The following NHS variants were observed in gnomAD, a reference collection of about 807,000 sequenced individuals.
NHS encodes the protein actin remodeling regulator NHS.
A neutral mutation model predicts 72.5 loss-of-function variants in NHS; 5 were observed. That is an observed-to-expected ratio of 0.07 (90% CI 0.04 to 0.14). NHS has a LOEUF of 0.14. NHS is among the 10% of genes least tolerant of loss of function. NHS has a pLI of 1.00. For synonymous variants in NHS, 464 were observed against 547.7 expected (o/e 0.85, Z 2.13); for missense variants, 1,072 against 1,355.7 (o/e 0.79, Z 3.29).
intron 1 of NHS, among the ~76,000 whole-genome samples, chrX:17,481,356 A>G (rs2064945387): frequency 1.8e-5 from 2 of 111,276 alleles, no homozygotes; most frequent in Admixed American, 1.9e-4. Context: ...TCTCCTCTTG[A>G]CTCTGGTCTT....
chrX:17,625,494 A>G (rs909261765), intron 1 of NHS, among the ~76,000 whole-genome samples: 7 of 111,762 alleles, frequency 6.3e-5, no homozygotes, highest in African/African-American at 2.3e-4. Flanking sequence ...TAGCCCACAC[A>G]ATGGGGAGTT....
At chrX:17,500,524 T>C (rs1183864890) in intron 1 of NHS, among the ~76,000 whole-genome samples, 1 of 111,789 alleles carries the variant, frequency 8.9e-6, no homozygotes, top group African/African-American at 3.3e-5. Flanking sequence ...TGTTGCTGGT[T>C]GTAATGTCTG....
At chrX:17,388,396 A>T (rs1420037526) in intron 1 of NHS, among the ~76,000 whole-genome samples, 1 of 111,465 alleles carries the variant, frequency 9.0e-6, no homozygotes, top group Non-Finnish European at 1.9e-5. Flanking sequence ...ACTATTTTAA[A>T]TGGGGTGGTC....
chrX:17,726,152 C>T lies in NHS; in HGVS notation c.2046C>T (p.Phe682=), dbSNP rs1437778748. Residue 682 remains phenylalanine, a synonymous_variant, in exon 7 of 9, where the codon TTC becomes TTT. Transcript: ENST00000676302. Reference sequence around the variant, plus strand: ...ATGCCAATGAGGATGCCAGTGTTTTCGTGACAGAGCAATACAATGACCACT... The same window carrying T: ...ATGCCAATGAGGATGCCAGTGTTTTTGTGACAGAGCAATACAATGACCACT... ...APHANEDASV[F]VTEQYNDHLD... 4 of 1,210,351 alleles carry T rather than the reference C, an allele frequency of 3.3e-6. No individual in the cohort carries two copies. The highest frequency in any genetic ancestry group is 4.5e-6 in the Non-Finnish European group (4 of 895,309).
intron 3 of NHS, among the ~76,000 whole-genome samples, chrX:17,709,598 A>G (rs182809479): frequency 8.9e-6 from 1 of 112,230 alleles, no homozygotes; most frequent in East Asian, 2.8e-4. Flanking sequence ...GACAGGGCAA[A>G]TGGGAAACTG....
At chrX:17,568,646 A>ACTT (rs1569283931) in intron 1 of NHS, among the ~76,000 whole-genome samples, 1 of 47,243 alleles carries the variant, frequency 2.1e-5, no homozygotes, top group Non-Finnish European at 4.0e-5. Context: ...CAGGTTACTT[A>ACTT]GTTATTATTA....
intron 1 of NHS, among the ~76,000 whole-genome samples, chrX:17,614,780 T>C (rs1046413166): frequency 9.0e-6 from 1 of 111,262 alleles, no homozygotes; most frequent in African/African-American, 3.3e-5. Context: ...AACAGCCAAG[T>C]ACCACACTAG....
intron 1 of NHS, among the ~76,000 whole-genome samples, chrX:17,571,889 G>T (rs1016595482): frequency 1.8e-5 from 2 of 112,155 alleles, no homozygotes; most frequent in Admixed American, 9.4e-5. Context: ...TGGTTTCAAA[G>T]AACATCTTTA....
At chrX:17,500,173 T>G (rs1212816854) in intron 1 of NHS, among the ~76,000 whole-genome samples, 3 of 112,174 alleles carry the variant, frequency 2.7e-5, no homozygotes, top group African/African-American at 9.7e-5. Context: ...ATGTGTGAAC[T>G]GATAACCAGG....
chrX:17,703,054 A>G (rs945098160), intron 3 of NHS, among the ~76,000 whole-genome samples: 5 of 110,679 alleles, frequency 4.5e-5, no homozygotes, highest in African/African-American at 6.6e-5. Context: ...GGATCACTTG[A>G]GCTCAGGAGT....
intron 1 of NHS, among the ~76,000 whole-genome samples, chrX:17,465,632 A>T (rs1246531190): frequency 9.1e-6 from 1 of 110,280 alleles, no homozygotes; most frequent in South Asian, 3.9e-4. Flanking sequence ...AAAAAAAAAA[A>T]ATTACTCCTT....
At chrX:17,659,946 A>C (rs1459169364) in intron 1 of NHS, among the ~76,000 whole-genome samples, 1 of 112,165 alleles carries the variant, frequency 8.9e-6, no homozygotes, top group African/African-American at 3.2e-5. Context: ...CCAACCCTGG[A>C]CTATTTTACC....
intron 1 of NHS, among the ~76,000 whole-genome samples, chrX:17,430,111 C>CTTCCTTCCTTCCTTCCTTCCTTCCTTCA (rs1358028742): frequency 2.2e-4 from 23 of 103,035 alleles, no homozygotes; most frequent in African/African-American, 8.0e-4. Context: ...TCCTTCCTTC[C>CTTCCTTCCTTCCTTCCTTCCTTCCTTCA]TTCCTTTCCT....
intron 1 of NHS, among the ~76,000 whole-genome samples, chrX:17,404,849 T>A (rs2064521535): frequency 9.1e-6 from 1 of 110,058 alleles, no homozygotes; most frequent in Non-Finnish European, 1.9e-5. Context: ...ATTATCTCAC[T>A]CTATTGCAAT....
At chrX:17,419,747 A>G (rs1247866618) in intron 1 of NHS, among the ~76,000 whole-genome samples, 1 of 111,995 alleles carries the variant, frequency 8.9e-6, no homozygotes, top group East Asian at 2.8e-4. Context: ...ACTGTAAGGT[A>G]TGTACCATGA....
At chrX:17,709,715 A>C (rs776470104) in intron 3 of NHS, among the ~76,000 whole-genome samples, 49 of 111,574 alleles carry the variant, frequency 4.4e-4, no homozygotes, top group Middle Eastern at 4.6e-3. Flanking sequence ...ACTAGAACTC[A>C]GACCTCTGGA....
At chrX:17,433,191 G>A (rs1221913363) in intron 1 of NHS, among the ~76,000 whole-genome samples, 1 of 99,543 alleles carries the variant, frequency 1.0e-5, no homozygotes, top group African/African-American at 3.9e-5. Flanking sequence ...CACCACGCCC[G>A]GCTACTTTTT....
chrX:17,377,386 G>A (rs1340572040), intron 1 of NHS, among the ~76,000 whole-genome samples: 2 of 113,187 alleles, frequency 1.8e-5, no homozygotes, highest in East Asian at 5.6e-4. Context: ...AACGACCCAG[G>A]AGGTAGACAG....
intron 1 of NHS, among the ~76,000 whole-genome samples, chrX:17,429,257 T>TGTGTGCGC (rs1460333806): frequency 1.7e-4 from 18 of 106,528 alleles, no homozygotes; most frequent in Admixed American, 1.2e-3. Context: ...TGTGTGTGTG[T>TGTGTGCGC]GCACACGTGC....
Sources: gnomAD v4.1 joint callset for allele counts (sites outside exome capture counted in the v4.1 genomes callset) on GRCh38, gnomAD v4.1.1 for gene constraint, MANE v1.5 for transcripts, NCBI Gene and HGNC (gene_info 2026-07-23, HGNC 2026-07-21) for gene names.